Variants in RAD51B observed in about 807,000 individuals in gnomAD.
RAD51B encodes DNA repair protein RAD51 homolog 2.
A neutral mutation model predicts 42.2 loss-of-function variants in RAD51B; 38 were observed. The ratio of observed to expected loss-of-function variants is 0.90; its 90% CI spans 0.70 to 1.18. The LOEUF (loss-of-function observed/expected upper bound fraction) is 1.18. RAD51B is among the 50% of genes most tolerant of loss of function. The pLI, the probability that RAD51B is intolerant of heterozygous loss-of-function variation, is 0.00. For missense variants in RAD51B, 373 were observed against 400.7 expected (o/e 0.93, Z 0.59); for synonymous variants, 154 against 145.2 (o/e 1.06, Z -0.43).
intron 10 of RAD51B, among the ~76,000 whole-genome samples, chr14:68,543,200 A>C (rs1888056687): frequency 6.6e-6 from 1 of 152,206 alleles, no homozygotes; most frequent in African/African-American, 2.4e-5. Context: ...TTCTAAAAAA[A>C]ATTTCTTTAC....
intron 7 of RAD51B, among the ~76,000 whole-genome samples, chr14:68,030,056 A>G (rs2076017898): frequency 6.6e-6 from 1 of 152,216 alleles, no homozygotes; most frequent in Non-Finnish European, 1.5e-5. Context: ...AGTGAACCAC[A>G]CTGTAACCAG....
At chr14:68,668,482 A>G (rs1403184415) in intron 11 of RAD51B, among the ~76,000 whole-genome samples, 1 of 152,216 alleles carries the variant, frequency 6.6e-6, no homozygotes, top group African/African-American at 2.4e-5. Flanking sequence ...ACGGATGTGG[A>G]CAGAGTCATG....
In RAD51B at chr14:68,296,698, T is replaced by G. The variant is rs575841267; in HGVS notation, c.853+4718T>G. On this transcript the variant is annotated intron_variant, in intron 8 of 10. Coordinates refer to ENST00000471583, the MANE Select transcript of RAD51B (RefSeq NM_133510.4). The stretch of plus-strand genomic sequence containing the variant: ...GAAGCTATAGACCATTGGCTTGCTT[T>G]CTTCTGACGATTTAACAGAGTAGCA... 1.7e-4 allele frequency among the ~76,000 whole-genome samples: 26 copies of G among 152,322 alleles called. No individual in the cohort carries two copies. The South Asian group carries it at 2.7e-3, about 16-fold the overall frequency.
At chr14:68,324,004 T>C (rs1298217259) in intron 8 of RAD51B, among the ~76,000 whole-genome samples, 2 of 152,004 alleles carry the variant, frequency 1.3e-5, no homozygotes, top group African/African-American at 4.8e-5. Flanking sequence ...CCAAGAACAG[T>C]AGGAAAGAAG....
intron 10 of RAD51B, among the ~76,000 whole-genome samples, chr14:68,610,107 C>G (rs1322910040): frequency 6.6e-6 from 1 of 152,176 alleles, no homozygotes; most frequent in African/African-American, 2.4e-5. Flanking sequence ...GCTTAGACAC[C>G]CTGCAGAACT....
chr14:68,623,217 G>T (rs1047109523), intron 10 of RAD51B, among the ~76,000 whole-genome samples: 1 of 152,108 alleles, frequency 6.6e-6, no homozygotes, highest in African/African-American at 2.4e-5. Flanking sequence ...CCCTCCCCCA[G>T]GACTGCCTTA....
intron 8 of RAD51B, among the ~76,000 whole-genome samples, chr14:68,334,098 A>G (rs1024057930): frequency 2.0e-5 from 3 of 152,148 alleles, no homozygotes; most frequent in African/African-American, 7.2e-5. Context: ...ATTGTCACAA[A>G]TGGTGGAATC....
intron 7 of RAD51B, among the ~76,000 whole-genome samples, chr14:68,052,980 T>G (rs1347897704): frequency 6.6e-6 from 1 of 152,140 alleles, no homozygotes; most frequent in East Asian, 1.9e-4. Context: ...CCTCTTTTAG[T>G]TCTATGTCTT....
chr14:68,424,344 T>G (rs2084781640), intron 9 of RAD51B, among the ~76,000 whole-genome samples: 1 of 152,210 alleles, frequency 6.6e-6, no homozygotes, highest in Admixed American at 6.5e-5. Flanking sequence ...TCTAGTAAAA[T>G]GACAAAACTC....
intron 7 of RAD51B, among the ~76,000 whole-genome samples, chr14:68,087,602 C>G (rs1359900425): frequency 6.6e-6 from 1 of 151,608 alleles, no homozygotes; most frequent in African/African-American, 2.4e-5. Flanking sequence ...GAAAAAAAAT[C>G]TGGCTCCATC....
intron 10 of RAD51B, among the ~76,000 whole-genome samples, chr14:68,648,036 T>TATATATACATATAC (rs375269798): frequency 8.8e-6 from 1 of 114,006 alleles, no homozygotes; most frequent in Non-Finnish European, 1.8e-5. Context: ...TATATATATA[T>TATATATACATATAC]ACACACGTAT....
chr14:68,491,840 C>T (rs950108710), intron 10 of RAD51B, among the ~76,000 whole-genome samples: 2 of 152,248 alleles, frequency 1.3e-5, no homozygotes, highest in Admixed American at 1.3e-4. Context: ...ATGACCTCCT[C>T]TCCAGTTTTA....
At position 68,673,300 on chromosome 14, in the gene RAD51B, CAT is replaced by C. The variant is rs79585497; in HGVS notation, c.*11+22452_*11+22453del. Among the ~76,000 whole-genome samples, 372 of 152,252 alleles carry C rather than the reference CAT, an allele frequency of 2.4e-3. 7 individuals carry two copies. In the South Asian group the frequency reaches 0.038, roughly 16 times the overall value. On this transcript the variant is annotated intron_variant, in intron 11 of 11. Coordinates refer to the RAD51B transcript ENST00000488612. The stretch of plus-strand genomic sequence containing the variant: ...TACACATAAGACATGCATGTACACA[CAT>C]ATATATACATGCACACACATACACA...
intron 7 of RAD51B, among the ~76,000 whole-genome samples, chr14:68,018,434 G>A (rs902465229): frequency 3.3e-5 from 5 of 152,168 alleles, no homozygotes; most frequent in Non-Finnish European, 7.4e-5. Flanking sequence ...GTCACAGCAA[G>A]TTCTGTTAAG....
intron 7 of RAD51B, among the ~76,000 whole-genome samples, chr14:68,085,728 T>A (rs1035652780): frequency 6.6e-6 from 1 of 152,246 alleles, no homozygotes; most frequent in South Asian, 2.1e-4. Flanking sequence ...GGTCATACTT[T>A]CATGCATTCT....
At chr14:68,443,767 A>C (rs1290764614) in intron 9 of RAD51B, among the ~76,000 whole-genome samples, 1 of 152,112 alleles carries the variant, frequency 6.6e-6, no homozygotes, top group Middle Eastern at 3.2e-3. Flanking sequence ...TGGGACACCA[A>C]CTTTGCCTAG....
At chr14:68,521,931 ACAGCAAACTT>A (rs1886609476) in intron 10 of RAD51B, among the ~76,000 whole-genome samples, 1 of 152,192 alleles carries the variant, frequency 6.6e-6, no homozygotes, top group South Asian at 2.1e-4. Flanking sequence ...CTGTGACTTC[ACAGCAAACTT>A]CAGCCCTATG....
At chr14:67,971,145 C>T (rs1278102238) in intron 7 of RAD51B, among the ~76,000 whole-genome samples, 1 of 152,048 alleles carries the variant, frequency 6.6e-6, no homozygotes. Context: ...AGGTAAATTG[C>T]TCTGGAGTGC....
chr14:67,965,012 C>G (rs1336733669), intron 7 of RAD51B, among the ~76,000 whole-genome samples: 1 of 152,182 alleles, frequency 6.6e-6, no homozygotes, highest in Non-Finnish European at 1.5e-5. Flanking sequence ...ACCATTCTCA[C>G]AAACTTGAAT....
Sources: allele counts gnomAD v4.1 joint callset (sites outside exome capture counted in the v4.1 genomes callset), GRCh38; gene constraint gnomAD v4.1.1; transcripts MANE v1.5; gene names NCBI Gene and HGNC (gene_info 2026-07-23, HGNC 2026-07-21).